Variants in ITGB8 observed in about 807,000 individuals in gnomAD.
ITGB8 encodes the protein integrin subunit beta 8.
ITGB8 carries 30 observed loss-of-function variants against 89.5 expected under a neutral mutation model. The ratio of observed to expected loss-of-function variants is 0.34; its 90% CI spans 0.25 to 0.45. The LOEUF (loss-of-function observed/expected upper bound fraction) is 0.45. Ranked by LOEUF, ITGB8 falls within the 20% of genes least tolerant of loss-of-function variation. ITGB8 has a pLI of 1.00. For missense variants in ITGB8, 836 were observed against 933.3 expected, an observed-to-expected ratio of 0.90 and a Z score of 1.36; for synonymous variants, 335 against 320.4, an observed-to-expected ratio of 1.05 and a Z score of -0.49.
At chr7:20,330,309 G>C (rs921677445), upstream of ITGB8, among the ~76,000 whole-genome samples, 2 of 152,256 alleles carry the variant, frequency 1.3e-5, no homozygotes, top group African/African-American at 4.8e-5. Context: ...GTGCTGAGTA[G>C]AGGGCGTTGG....
At chr7:20,383,369 T>C (rs1786479251) in intron 6 of ITGB8, among the ~76,000 whole-genome samples, 1 of 152,204 alleles carries the variant, frequency 6.6e-6, no homozygotes, top group African/African-American at 2.4e-5. Flanking sequence ...CTCAGCCTTA[T>C]TTCACTTTGA....
intron 8 of ITGB8, among the ~76,000 whole-genome samples, chr7:20,397,936 C>T (rs1436978345): frequency 6.6e-6 from 1 of 151,872 alleles, no homozygotes; most frequent in African/African-American, 2.4e-5. Flanking sequence ...TCTTTAGGCA[C>T]ATACTTCGTT....
At position 20,412,454 on chromosome 7, in the gene ITGB8, A is replaced by T. The variant is rs898641737; in HGVS notation, c.*2457A>T. 1 of 152,510 alleles carries T rather than the reference A, an allele frequency of 6.6e-6. No homozygotes were observed. Among genetic ancestry groups the T allele is most frequent in the Non-Finnish European group, 1.5e-5 (1 of 68,036 alleles). The allele number at this position is 152,510 out of a possible 1,614,324, so 9.4% of individuals were successfully genotyped here. A position where few individuals can be genotyped will look rare whatever the true frequency, so the allele number is the denominator to read the frequency against. On this transcript the variant is annotated 3_prime_UTR_variant, in exon 14 of 14. Coordinates refer to ENST00000222573, the MANE Select transcript of ITGB8 (RefSeq NM_002214.3). ...GACAATTTTTGAAATGAACATTATGATATTTATGAACAATAAACAAATTTC... is the reference window on the plus strand; with the variant it reads ...GACAATTTTTGAAATGAACATTATGTTATTTATGAACAATAAACAAATTTC...
chr7:20,405,663 C>T lies in ITGB8; in HGVS notation c.1914-399C>T, dbSNP rs145066048. On this transcript the variant is annotated intron_variant, in intron 11 of 13. Transcript: ENST00000222573. ...ATAAAGAACAATGGTGTCTGTGACA[C>T]ACCCTAGAAATAAGTGATATATAAA... Among the ~76,000 whole-genome samples the T allele has an allele frequency of 6.6e-5, 10 of 152,118 alleles. No homozygotes were observed. In the East Asian group the frequency reaches 1.5e-3, roughly 23 times the overall value.
chr7:20,409,588 T>C, intron 12 of ITGB8, 27 bp from the exon 13 acceptor site: 1 of 1,515,406 alleles, frequency 6.6e-7, no homozygotes, highest in Non-Finnish European at 8.9e-7. Context: ...CAATTTTTAA[T>C]CCATTTATTT....
At chr7:20,354,523 C>A (rs2128133077) in intron 1 of ITGB8, among the ~76,000 whole-genome samples, 1 of 152,262 alleles carries the variant, frequency 6.6e-6, no homozygotes, top group Middle Eastern at 3.4e-3. Flanking sequence ...GCTTTCCTTT[C>A]ACATCAGACC....
At chr7:20,388,444 A>G (rs1786715894) in intron 6 of ITGB8, among the ~76,000 whole-genome samples, 1 of 152,202 alleles carries the variant, frequency 6.6e-6, no homozygotes, top group South Asian at 2.1e-4. Context: ...CATGAAGGAA[A>G]GGGGAAGGGG....
intron 1 of ITGB8, among the ~76,000 whole-genome samples, chr7:20,361,458 T>C (rs1244750361): frequency 6.6e-6 from 1 of 152,202 alleles, no homozygotes; most frequent in Non-Finnish European, 1.5e-5. Flanking sequence ...TCCAGTGTCT[T>C]GTGAGGGACT....
chr7:20,395,597 G>A (rs774236657), intron 8 of ITGB8, among the ~76,000 whole-genome samples: 4 of 152,186 alleles, frequency 2.6e-5, no homozygotes, highest in Non-Finnish European at 5.9e-5. Flanking sequence ...AGAAACATCT[G>A]TTCTTTCAAC....
intron 3 of ITGB8, among the ~76,000 whole-genome samples, chr7:20,378,241 C>T (rs1313619118): frequency 6.6e-6 from 1 of 152,124 alleles, no homozygotes; most frequent in Non-Finnish European, 1.5e-5. Flanking sequence ...CGGGGACTAC[C>T]GACATTTGTC....
At chr7:20,373,591 A>C (rs1390021861) in intron 3 of ITGB8, among the ~76,000 whole-genome samples, 1 of 152,188 alleles carries the variant, frequency 6.6e-6, no homozygotes, top group African/African-American at 2.4e-5. Flanking sequence ...AAATTTAGAA[A>C]ACAAAACAGA....
At chr7:20,390,500 A>G (rs1034367209) in intron 6 of ITGB8, among the ~76,000 whole-genome samples, 5 of 152,002 alleles carry the variant, frequency 3.3e-5, no homozygotes, top group Admixed American at 6.6e-5. Flanking sequence ...CAATTTTCCT[A>G]CTCTTCTCTA....
At chr7:20,394,037 G>A (rs1454733506) in intron 7 of ITGB8, among the ~76,000 whole-genome samples, 1 of 152,142 alleles carries the variant, frequency 6.6e-6, no homozygotes, top group African/African-American at 2.4e-5. Context: ...TATAAAGTAG[G>A]AGCTCAATAA....
chr7:20,410,100 A>G lies in ITGB8; in HGVS notation c.*103A>G. The G allele has an allele frequency of 1.7e-6, 2 of 1,170,028 alleles. No homozygotes were observed. The highest frequency in any genetic ancestry group is 2.4e-6 in the Non-Finnish European group (2 of 818,638). The allele number at this position is 1,170,028 out of a possible 1,614,324, so 72.5% of individuals were successfully genotyped here. On this transcript the variant is annotated 3_prime_UTR_variant, in exon 14 of 14. Transcript: ENST00000222573. ...AGGAGGAGACAAATTGCTCACGGTCATGCCAGTTGCTGGTTGTACACTCGA... is the reference window on the plus strand; with the variant it reads ...AGGAGGAGACAAATTGCTCACGGTCGTGCCAGTTGCTGGTTGTACACTCGA...
chr7:20,404,421 G>T (rs78456515), intron 10 of ITGB8, among the ~76,000 whole-genome samples: 2,763 of 152,304 alleles, frequency 0.018, 36 homozygotes, highest in Non-Finnish European at 0.028. Context: ...CATTAGCATG[G>T]GGAGATTATC....
At position 20,408,842 on chromosome 7, in the gene ITGB8, A is replaced by G. The variant is rs566494028; in HGVS notation, c.2024-773A>G. Among the ~76,000 whole-genome samples the G allele has an allele frequency of 3.9e-5, 6 of 152,216 alleles. No homozygotes were observed. The East Asian group carries it at 9.7e-4, about 25-fold the overall frequency. On this transcript the variant is annotated intron_variant, in intron 12 of 13. Coordinates refer to ENST00000222573, the MANE Select transcript of ITGB8 (RefSeq NM_002214.3). ...GAGATCCAGCATGCCCCTCCTCTTA[A>G]CACAACATTTCTTTTTCCAGCTAGT...
At position 20,350,390 on chromosome 7, in the gene ITGB8, T is replaced by C. The variant is rs189437020; in HGVS notation, c.128-13247T>C. Among the ~76,000 whole-genome samples, 94 of 152,304 alleles carry C rather than the reference T, an allele frequency of 6.2e-4. No individual in the cohort carries two copies. The East Asian group carries it at 0.011, about 18-fold the overall frequency. The stretch of plus-strand genomic sequence containing the variant: ...CTTGAACTCCTGACCTCAGGTGATC[T>C]GCCCGCCTCTGCCTCCCAAAGTGCT... On this transcript the variant is annotated intron_variant, in intron 1 of 13. Coordinates refer to ENST00000222573, the MANE Select transcript of ITGB8 (RefSeq NM_002214.3).
At chr7:20,399,811 A>C (rs1487366305) in intron 9 of ITGB8, among the ~76,000 whole-genome samples, 1 of 152,216 alleles carries the variant, frequency 6.6e-6, no homozygotes, top group African/African-American at 2.4e-5. Context: ...CTTTTAATCT[A>C]AAGTGCAATG....
At chr7:20,349,157 T>C (rs1460719282) in intron 1 of ITGB8, among the ~76,000 whole-genome samples, 1 of 152,136 alleles carries the variant, frequency 6.6e-6, no homozygotes, top group Non-Finnish European at 1.5e-5. Context: ...TTTATAATAA[T>C]TCAGAGTTCC....
Sources: allele counts gnomAD v4.1 joint callset (sites outside exome capture counted in the v4.1 genomes callset), GRCh38; gene constraint gnomAD v4.1.1; transcripts MANE v1.5; gene names NCBI Gene and HGNC (gene_info 2026-07-23, HGNC 2026-07-21).